Variants in PTPRB observed in about 807,000 individuals in gnomAD.
The protein encoded by PTPRB is protein tyrosine phosphatase receptor type B.
In PTPRB, 97 loss-of-function variants were observed where a neutral mutation model predicts 238.1. That is an observed-to-expected ratio of 0.41 (90% CI 0.35 to 0.48). The LOEUF (loss-of-function observed/expected upper bound fraction) is 0.48. Ranked by LOEUF, PTPRB falls within the 20% of genes least tolerant of loss-of-function variation. The pLI, the probability that PTPRB is intolerant of heterozygous loss-of-function variation, is 0.30. For missense variants in PTPRB, 2,292 were observed against 2,681.9 expected, an observed-to-expected ratio of 0.85 and a Z score of 3.21; for synonymous variants, 970 against 995.4, an observed-to-expected ratio of 0.97 and a Z score of 0.48.
rs781183905 is a variant in PTPRB, at chr12:70,559,490, C to T, written c.4567G>A (p.Val1523Ile). The T allele has an allele frequency of 6.2e-7, 1 of 1,613,982 alleles. No individual in the cohort carries two copies. The highest frequency in any genetic ancestry group is 8.5e-7 in the Non-Finnish European group (1 of 1,179,876). ...TTTCTGTTGTTGTAGGGGTTGAAGA[C>T]AGTAAGTGCATCTCTGGGCAACCAC... ...LQWLPRDALT[V>I]FNPYNNRKSE... Residue 1523 changes from valine (V) to isoleucine (I), a missense_variant, in exon 18 of 34, where the codon GTC (valine) becomes ATC (isoleucine). By Grantham distance (29) the Val-to-Ile change is conservative. This residue lies in a region of PTPRB where 683 missense variants were observed against 862.0 expected (regional missense o/e 0.79). Coordinates refer to ENST00000334414, the MANE Select transcript of PTPRB (RefSeq NM_001109754.4).
At chr12:70,566,337 C>T in intron 15 of PTPRB, 98 bp downstream of exon 15, 1 of 1,395,108 alleles carries the variant, frequency 7.2e-7, no homozygotes, top group Non-Finnish European at 9.6e-7. Context: ...AGATAGATAT[C>T]ATCTCCCAAT....
rs1451289363 is a variant in PTPRB at position 70,586,868 on chromosome 12, A to G, written c.2311+139T>C. The G allele has an allele frequency of 3.5e-6, 3 of 857,150 alleles. No individual in the cohort carries two copies. In the African/African-American group the frequency reaches 5.1e-5, roughly 15 times the overall value. 53.1% of individuals were successfully genotyped at this position (857,150 alleles called of 1,614,324 possible). A position where few individuals can be genotyped will look rare whatever the true frequency, so the allele number is the denominator to read the frequency against. On this transcript the variant is annotated intron_variant, in intron 9 of 33. Transcript: ENST00000334414. ...ATAAGAACTGCAATTGGTAAAATAG[A>G]AAACAAACACAATAGAAAGGATCCA...
At chr12:70,595,444 A>G (rs1023824663) in intron 5 of PTPRB, among the ~76,000 whole-genome samples, 7 of 152,156 alleles carry the variant, frequency 4.6e-5, no homozygotes, top group African/African-American at 1.4e-4. Context: ...AACTTAAAGT[A>G]TAAATATCCC....
intron 28 of PTPRB, among the ~76,000 whole-genome samples, chr12:70,537,332 CCTGCCTCAGCCCTGATGGATCAGAAT>C (rs1432060492): frequency 4.0e-5 from 6 of 151,620 alleles, no homozygotes; most frequent in African/African-American, 1.5e-4. Context: ...ATTCCCAGGC[CCTGCCTCAGCCCTGATGGATCAGAAT>C]CTGCCTTTTC....
intron 21 of PTPRB, among the ~76,000 whole-genome samples, chr12:70,549,830 A>G (rs550665311): frequency 6.6e-5 from 10 of 152,354 alleles, no homozygotes; most frequent in African/African-American, 2.4e-4. Context: ...TTGGAGAAAT[A>G]TAGGAAAGGT....
chr12:70,637,342 T>C lies in PTPRB; in HGVS notation c.54A>G (p.Ser18=). ...GGACACTGAGGCAGACCCACTCACCTGAGTTCCTGAAGATCAAGCAGGTAA... is the reference window on the plus strand; with the variant it reads ...GGACACTGAGGCAGACCCACTCACCCGAGTTCCTGAAGATCAAGCAGGTAA... ...VILTCLIFRN[S]EGFQIVHVQK... is the part of the protein sequence containing the mutation. Residue 18 remains serine (S), a splice_region_variant and synonymous_variant, in exon 1 of 34, where the codon TCA becomes TCG. Transcript: ENST00000334414. 1.2e-6 allele frequency: 2 copies of C among 1,605,594 alleles called. No homozygotes were observed. The highest frequency in any genetic ancestry group is 4.5e-5 in the East Asian group (2 of 44,618).
chr12:70,524,882 T>C (rs1048958362), intron 32 of PTPRB, among the ~76,000 whole-genome samples: 2 of 142,812 alleles, frequency 1.4e-5, no homozygotes, highest in Non-Finnish European at 3.2e-5. Flanking sequence ...TGTGTGTATA[T>C]ATGTATATAT....
chr12:70,588,095 C>CAAA (rs10558140), intron 8 of PTPRB, among the ~76,000 whole-genome samples: 6 of 104,628 alleles, frequency 5.7e-5, no homozygotes, highest in Admixed American at 1.0e-4. Flanking sequence ...GACTCTGTCT[C>CAAA]AAAAAAAAAA....
intron 11 of PTPRB, among the ~76,000 whole-genome samples, chr12:70,573,904 C>T (rs1880403738): frequency 1.3e-5 from 2 of 152,024 alleles, no homozygotes. Context: ...TAAATATATG[C>T]ATGTTACTTA....
intron 7 of PTPRB, among the ~76,000 whole-genome samples, chr12:70,590,885 T>C (rs918399478): frequency 6.6e-6 from 1 of 151,194 alleles, no homozygotes; most frequent in Non-Finnish European, 1.5e-5. Context: ...TCCCTCTTTG[T>C]CACAAACGTT....
At chr12:70,525,944 T>C (rs903406407) in intron 32 of PTPRB, among the ~76,000 whole-genome samples, 10 of 152,152 alleles carry the variant, frequency 6.6e-5, no homozygotes, top group Non-Finnish European at 1.0e-4. Flanking sequence ...GTCAGACAGA[T>C]AGATATTGAA....
chr12:70,547,599 C>T (rs913964964), intron 21 of PTPRB, among the ~76,000 whole-genome samples: 2 of 146,984 alleles, frequency 1.4e-5, no homozygotes, highest in Non-Finnish European at 3.0e-5. Flanking sequence ...CTCCACCTCC[C>T]AAGCTCAAGT....
At position 70,581,666 on chromosome 12, in the gene PTPRB, A is replaced by C. The variant is rs540237910; in HGVS notation, c.2312-364T>G. 9.9e-5 allele frequency among the ~76,000 whole-genome samples: 15 copies of C among 152,250 alleles called. No individual in the cohort carries two copies. The East Asian group carries it at 2.9e-3, about 29-fold the overall frequency. ...ACCCCATGAGAATTCAAAGCTATCT[A>C]ATCTACCTGAGCCAATGATTGTTAT... On this transcript the variant is annotated intron_variant, in intron 9 of 33. Transcript: ENST00000334414.
chr12:70,608,529 G>T (rs1566008177), intron 4 of PTPRB, among the ~76,000 whole-genome samples: 1 of 152,160 alleles, frequency 6.6e-6, no homozygotes, highest in East Asian at 1.9e-4. Flanking sequence ...ATACTATGCT[G>T]TTTGGGTTAT....
At chr12:70,525,669 T>A (rs888663635) in intron 32 of PTPRB, among the ~76,000 whole-genome samples, 1 of 152,232 alleles carries the variant, frequency 6.6e-6, no homozygotes, top group Non-Finnish European at 1.5e-5. Context: ...GCTTGTGCAT[T>A]GGGCCCCCTT....
intron 9 of PTPRB, among the ~76,000 whole-genome samples, chr12:70,583,544 G>T (rs1161131946): frequency 6.6e-6 from 1 of 152,084 alleles, no homozygotes; most frequent in Non-Finnish European, 1.5e-5. Flanking sequence ...AGCTGACCTT[G>T]CATAACATTG....
chr12:70,521,884 T>A (rs895909443), intron 33 of PTPRB, among the ~76,000 whole-genome samples: 1 of 152,104 alleles, frequency 6.6e-6, no homozygotes, highest in Non-Finnish European at 1.5e-5. Flanking sequence ...CTTTCAGGAG[T>A]GCTCAAGATT....
intron 2 of PTPRB, among the ~76,000 whole-genome samples, chr12:70,624,820 C>T (rs953327780): frequency 2.6e-5 from 4 of 152,122 alleles, no homozygotes; most frequent in African/African-American, 9.7e-5. Context: ...CCTATGCTTA[C>T]TCTTCTTCAC....
At chr12:70,545,963 C>A (rs1035206359) in intron 21 of PTPRB, among the ~76,000 whole-genome samples, 1 of 152,094 alleles carries the variant, frequency 6.6e-6, no homozygotes, top group Admixed American at 6.5e-5. Context: ...GTGGCAAAAC[C>A]CCGTCTCTAC....
Sources: allele counts gnomAD v4.1 joint callset (sites outside exome capture counted in the v4.1 genomes callset), GRCh38; gene constraint gnomAD v4.1.1; regional missense constraint gnomAD v4.1.1; transcripts MANE v1.5; gene names NCBI Gene and HGNC (gene_info 2026-07-23, HGNC 2026-07-21).